BNC2: variants seen among roughly 807,000 people sequenced by gnomAD.
BNC2 encodes zinc finger protein basonuclin-2.
In BNC2, 20 loss-of-function variants were observed where a neutral mutation model predicts 76.3. That is an observed-to-expected ratio of 0.26 (90% CI 0.18 to 0.38). BNC2 has a LOEUF of 0.38. Ranked by LOEUF, BNC2 falls within the 10% of genes least tolerant of loss-of-function variation. The pLI, the probability that BNC2 is intolerant of heterozygous loss-of-function variation, is 1.00. For synonymous variants in BNC2, 582 were observed against 514.8 expected (o/e 1.13, Z -1.77); for missense variants, 1,382 against 1,399.8 (o/e 0.99, Z 0.20).
In BNC2 at chr9:16,431,955, T is replaced by C. The variant is rs1225580242; in HGVS notation, c.2639+3600A>G. The stretch of plus-strand genomic sequence containing the variant: ...ACCACTCACCTCCTGCTGTGCAGCC[T>C]GGTTCCTAACAGGCCATGGACCAGT... On this transcript the variant is annotated intron_variant, in intron 6 of 6. Transcript: ENST00000380672. 2.0e-5 allele frequency among the ~76,000 whole-genome samples: 3 copies of C among 152,316 alleles called. No individual in the cohort carries two copies. In the East Asian group the frequency reaches 5.8e-4, roughly 29 times the overall value.
In BNC2 at chr9:16,805,713, G is replaced by GCACACACACACA. The variant is rs57325819; in HGVS notation, c.3+64921_3+64932dup. 1.3e-4 allele frequency among the ~76,000 whole-genome samples: 19 copies of GCACACACACACA among 149,218 alleles called. No individual in the cohort carries two copies. In the East Asian group the frequency reaches 3.8e-3, roughly 30 times the overall value. On this transcript the variant is annotated intron_variant, in intron 1 of 6. Coordinates refer to ENST00000380672, the MANE Select transcript of BNC2 (RefSeq NM_017637.6). ...ACTTACATGTATAATTTGCATACAT[G>GCACACACACACA]CACACACACACACACACACACACGC...
chr9:16,653,996 G>A (rs1418542774), intron 3 of BNC2, among the ~76,000 whole-genome samples: 3 of 151,950 alleles, frequency 2.0e-5, no homozygotes, highest in East Asian at 3.9e-4. Flanking sequence ...TACAGAGGCG[G>A]GTGTTCTACC....
rs188125367 is a variant in BNC2, at chr9:16,640,693, T to C, written c.331-57608A>G. Among the ~76,000 whole-genome samples, 438 of 152,272 alleles carry C rather than the reference T, an allele frequency of 2.9e-3. 3 individuals are homozygous for C. The highest frequency in any genetic ancestry group is 9.8e-3 in the African/African-American group (407 of 41,540). ...CCTTAGGCATGTATTTTAAGAGTGT[T>C]TGATAACCCTATACACCCTTCAGAA... On this transcript the variant is annotated intron_variant, in intron 3 of 6. Transcript: ENST00000380672.
chr9:16,590,734 G>A (rs913696305), intron 3 of BNC2, among the ~76,000 whole-genome samples: 2 of 152,080 alleles, frequency 1.3e-5, no homozygotes, highest in Non-Finnish European at 2.9e-5. Context: ...TTGAGCCTCA[G>A]AGGTCAAGGA....
chr9:16,569,663 C>G (rs935731404), intron 4 of BNC2, among the ~76,000 whole-genome samples: 1 of 152,144 alleles, frequency 6.6e-6, no homozygotes, highest in East Asian at 1.9e-4. Flanking sequence ...CTTATTCTCC[C>G]GCTTCTTCTT....
intron 1 of BNC2, among the ~76,000 whole-genome samples, chr9:16,824,873 T>C (rs1229883683): frequency 1.3e-5 from 2 of 152,128 alleles, no homozygotes; most frequent in Non-Finnish European, 2.9e-5. Flanking sequence ...TTCTACTTCC[T>C]GTGCATAGAT....
chr9:16,624,423 C>T (rs559204914), intron 3 of BNC2, among the ~76,000 whole-genome samples: 2 of 152,294 alleles, frequency 1.3e-5, no homozygotes, highest in South Asian at 2.1e-4. Flanking sequence ...AGAAAAACTG[C>T]TCACACAACA....
At chr9:16,638,564 T>C (rs1339672350) in intron 3 of BNC2, among the ~76,000 whole-genome samples, 1 of 152,180 alleles carries the variant, frequency 6.6e-6, no homozygotes, top group African/African-American at 2.4e-5. Flanking sequence ...GGTTCTCCCC[T>C]GTACCCCTCA....
At chr9:16,828,761 T>C (rs895965256) in intron 1 of BNC2, among the ~76,000 whole-genome samples, 2 of 152,226 alleles carry the variant, frequency 1.3e-5, no homozygotes, top group Non-Finnish European at 2.9e-5. Flanking sequence ...GCTCCAGCTA[T>C]TTCTGTCATG....
At chr9:16,677,606 C>CACACACAG (rs1455196025) in intron 3 of BNC2, among the ~76,000 whole-genome samples, 18 of 151,400 alleles carry the variant, frequency 1.2e-4, no homozygotes, top group African/African-American at 3.4e-4. Context: ...CACACACACA[C>CACACACAG]AGTAGCAATA....
At chr9:16,810,083 T>C (rs918959270) in intron 1 of BNC2, among the ~76,000 whole-genome samples, 6 of 152,168 alleles carry the variant, frequency 3.9e-5, no homozygotes, top group African/African-American at 4.8e-5. Context: ...TCTCAATTAA[T>C]GACAGTACTT....
intron 3 of BNC2, among the ~76,000 whole-genome samples, chr9:16,617,527 G>GA (rs56667008): frequency 5.4e-4 from 74 of 138,018 alleles, no homozygotes; most frequent in African/African-American, 1.4e-3. Context: ...ACAGATGGAG[G>GA]AAAAAAAAAA....
intron 1 of BNC2, among the ~76,000 whole-genome samples, chr9:16,816,100 C>G (rs1034688316): frequency 1.3e-5 from 2 of 151,870 alleles, no homozygotes; most frequent in African/African-American, 4.8e-5. Flanking sequence ...CCTTTTTTCC[C>G]TTTAATTACC....
intron 1 of BNC2, among the ~76,000 whole-genome samples, chr9:16,814,173 C>G (rs1268338799): frequency 2.6e-5 from 4 of 152,170 alleles, no homozygotes; most frequent in Non-Finnish European, 4.4e-5. Context: ...GTGGACATAA[C>G]TCCAGGCAAG....
At chr9:16,856,425 T>G (rs1196902137) in intron 1 of BNC2, among the ~76,000 whole-genome samples, 12 of 152,164 alleles carry the variant, frequency 7.9e-5, no homozygotes, top group Admixed American at 7.9e-4. Context: ...AATAAATTCT[T>G]GAAGCGAAAA....
intron 3 of BNC2, among the ~76,000 whole-genome samples, chr9:16,674,896 G>A (rs1822591779): frequency 6.6e-6 from 1 of 152,092 alleles, no homozygotes; most frequent in African/African-American, 2.4e-5. Flanking sequence ...GTCTATAATG[G>A]CAGTTTTGAA....
rs549330514 is a variant in BNC2, at chr9:16,811,121, G to A, written c.3+59525C>T. 9.1e-4 allele frequency among the ~76,000 whole-genome samples: 137 copies of A among 150,768 alleles called. 1 individual carries two copies. Among genetic ancestry groups the A allele is most frequent in the Admixed American group, 7.5e-3 (113 of 15,084 alleles). On this transcript the variant is annotated intron_variant, in intron 1 of 6. Coordinates refer to ENST00000380672, the MANE Select transcript of BNC2 (RefSeq NM_017637.6). The stretch of plus-strand genomic sequence containing the variant: ...TAGTCCCAGCTACTCTGGGACTGAG[G>A]CTGAGGCAGGAGAATGGCATGAACC...
intron 2 of BNC2, among the ~76,000 whole-genome samples, chr9:16,731,986 G>C (rs1466867535): frequency 6.6e-6 from 1 of 151,980 alleles, no homozygotes; most frequent in Non-Finnish European, 1.5e-5. Flanking sequence ...CAGTTAGTGT[G>C]GGATAACAAG....
intron 1 of BNC2, among the ~76,000 whole-genome samples, chr9:16,811,818 G>A (rs1442614125): frequency 6.6e-6 from 1 of 152,210 alleles, no homozygotes; most frequent in Non-Finnish European, 1.5e-5. Context: ...GGGCAAAGCA[G>A]TAAAACATTG....
Sources: allele counts gnomAD v4.1 joint callset (sites outside exome capture counted in the v4.1 genomes callset), GRCh38; gene constraint gnomAD v4.1.1; transcripts MANE v1.5; gene names NCBI Gene and HGNC (gene_info 2026-07-23, HGNC 2026-07-21).